Variants in CCDC25 observed in about 807,000 individuals in gnomAD.
The protein encoded by CCDC25 is coiled-coil domain-containing protein 25.
In CCDC25, 16 loss-of-function variants were observed where a neutral mutation model predicts 35.3. The observed-to-expected ratio is 0.45, with a 90% CI of 0.31 to 0.69. The LOEUF (loss-of-function observed/expected upper bound fraction) is 0.69, where lower values mean the gene tolerates loss of function less well. CCDC25 is among the 30% of genes least tolerant of loss of function. The pLI is 0.06. For synonymous variants in CCDC25, 79 were observed against 80.3 expected (o/e 0.98, Z 0.09); for missense variants, 179 against 250.7 (o/e 0.71, Z 1.93).
Position 27,736,142 on chromosome 8 carries a change from A to G in CCDC25, c.*74T>C. 2 of 1,420,338 alleles carry G rather than the reference A, an allele frequency of 1.4e-6. No homozygotes were observed. Among genetic ancestry groups the G allele is most frequent in the Non-Finnish European group, 1.9e-6 (2 of 1,026,960 alleles). The allele number at this position is 1,420,338 out of a possible 1,614,324, so 88.0% of individuals were successfully genotyped here. On this transcript the variant is annotated 3_prime_UTR_variant, in exon 9 of 9. Coordinates refer to ENST00000356537, the MANE Select transcript of CCDC25 (RefSeq NM_018246.3). ...TTGGTTGTATTTTATATTTCAGAAC[A>G]CAGATGAAACCAAAAGGTCTGCAAT...
chr8:27,747,469 GTGT>G (rs1336426765), intron 7 of CCDC25, among the ~76,000 whole-genome samples: 1 of 152,138 alleles, frequency 6.6e-6, no homozygotes, highest in Admixed American at 6.6e-5. Flanking sequence ...CAATAAATGT[GTGT>G]TGTTTTAAGC....
Position 27,772,573 on chromosome 8 carries a change from G to A in CCDC25, c.-33C>T, listed in dbSNP as rs893969164. 2 of 1,546,046 alleles carry A rather than the reference G, an allele frequency of 1.3e-6. No homozygotes were observed. The highest frequency in any genetic ancestry group is 8.7e-7 in the Non-Finnish European group (1 of 1,144,314). ...GGAGCGGTGCGGTGACTCCACCGCG[G>A]AGCAGCAGCGCTCAACTCACGAAGC... On this transcript the variant is annotated 5_prime_UTR_variant, in exon 1 of 9. Transcript: ENST00000356537.
intron 1 of CCDC25, among the ~76,000 whole-genome samples, chr8:27,770,043 C>A (rs975993826): frequency 2.0e-5 from 3 of 152,084 alleles, no homozygotes; most frequent in African/African-American, 7.2e-5. Context: ...ACTTGGGAGA[C>A]TGAGGCAGTA....
At chr8:27,765,571 G>A (rs1192631925) in intron 1 of CCDC25, among the ~76,000 whole-genome samples, 1 of 151,798 alleles carries the variant, frequency 6.6e-6, no homozygotes, top group Non-Finnish European at 1.5e-5. Context: ...ACTTTCTCAG[G>A]GTTACAGTTC....
intron 3 of CCDC25, among the ~76,000 whole-genome samples, chr8:27,758,788 T>C (rs1804108865): frequency 6.6e-6 from 1 of 152,184 alleles, no homozygotes; most frequent in South Asian, 2.1e-4. Flanking sequence ...ATGTAGAATT[T>C]TGTCAAAAGA....
At chr8:27,748,383 T>G in intron 6 of CCDC25, 104 bp from the exon 7 acceptor site, 1 of 1,318,802 alleles carries the variant, frequency 7.6e-7, no homozygotes, top group Non-Finnish European at 1.1e-6. Flanking sequence ...TAATTCCCTT[T>G]AGAAAACATA....
In CCDC25 at chr8:27,734,411, C is replaced by T. The variant is rs921965298; in HGVS notation, c.*1805G>A. On this transcript the variant is annotated 3_prime_UTR_variant, in exon 9 of 9. Coordinates refer to ENST00000356537, the MANE Select transcript of CCDC25 (RefSeq NM_018246.3). Reference sequence around the variant, plus strand: ...AACAATTTCGAATTCTCCTATCCAACGTTTAGGAAACAATCCAATGGCAAG... The same window carrying T: ...AACAATTTCGAATTCTCCTATCCAATGTTTAGGAAACAATCCAATGGCAAG... The T allele has an allele frequency of 2.0e-5, 3 of 152,140 alleles. No individual in the cohort carries two copies. The highest frequency in any genetic ancestry group is 1.9e-4 in the East Asian group (1 of 5,194). The allele number at this position is 152,140 out of a possible 1,614,324, so 9.4% of individuals were successfully genotyped here. A position where few individuals can be genotyped will look rare whatever the true frequency, so the allele number is the denominator to read the frequency against.
At chr8:27,768,864 C>A (rs1804492694) in intron 1 of CCDC25, among the ~76,000 whole-genome samples, 2 of 152,162 alleles carry the variant, frequency 1.3e-5, no homozygotes, top group South Asian at 4.1e-4. Flanking sequence ...TACAAGTGGA[C>A]TTTGAGCCAA....
At chr8:27,761,083 C>T (rs1804212283) in intron 3 of CCDC25, among the ~76,000 whole-genome samples, 1 of 151,910 alleles carries the variant, frequency 6.6e-6, no homozygotes. Flanking sequence ...GAGCCGAGAT[C>T]GCACCATTGC....
At chr8:27,764,823 C>T (rs1804345013) in intron 2 of CCDC25, among the ~76,000 whole-genome samples, 1 of 152,206 alleles carries the variant, frequency 6.6e-6, no homozygotes, top group Non-Finnish European at 1.5e-5. Flanking sequence ...ACAGCATTTA[C>T]TATTCATGTT....
At chr8:27,753,023 C>T (rs1803870813) in intron 4 of CCDC25, 1 of 154,256 alleles carries the variant, frequency 6.5e-6, no homozygotes, top group African/African-American at 2.4e-5. Context: ...TTTTAGTTCT[C>T]AGACATCTGG....
At chr8:27,767,092 G>A (rs1247906472) in intron 1 of CCDC25, among the ~76,000 whole-genome samples, 1 of 152,230 alleles carries the variant, frequency 6.6e-6, no homozygotes, top group African/African-American at 2.4e-5. Context: ...TAGGCCAGGT[G>A]CAGTGGCTCA....
intron 6 of CCDC25, 54 bp from the exon 7 acceptor site, chr8:27,748,333 G>T: frequency 6.6e-7 from 1 of 1,524,232 alleles, no homozygotes; most frequent in Non-Finnish European, 9.0e-7. Context: ...TTTTCTCCCA[G>T]AAGAGGGATG....
At chr8:27,748,933 G>A (rs1175742663) in intron 5 of CCDC25, among the ~76,000 whole-genome samples, 3 of 151,954 alleles carry the variant, frequency 2.0e-5, no homozygotes, top group Non-Finnish European at 4.4e-5. Context: ...GATTCTCAAA[G>A]AAGTCCTTGA....
chr8:27,752,170 T>C (rs1025147836), intron 5 of CCDC25, among the ~76,000 whole-genome samples: 1 of 152,252 alleles, frequency 6.6e-6, no homozygotes, highest in African/African-American at 2.4e-5. Flanking sequence ...AAACACATTG[T>C]TCTTGCTTAG....
In CCDC25 at chr8:27,760,924, G is replaced by A. The variant is rs567401956; in HGVS notation, c.116+1495C>T. Among the ~76,000 whole-genome samples, 8 of 152,246 alleles carry A rather than the reference G, an allele frequency of 5.3e-5. No individual in the cohort carries two copies. In the East Asian group the frequency reaches 9.7e-4, roughly 18 times the overall value. On this transcript the variant is annotated intron_variant, in intron 3 of 8. Coordinates refer to ENST00000356537, the MANE Select transcript of CCDC25 (RefSeq NM_018246.3). ...GTAGATCACCTGAGGTTAGGAGTTC[G>A]AGACCAGCCTGGCCAATGTGGTGAT...
At chr8:27,757,072 G>C (rs144671891) in intron 3 of CCDC25, among the ~76,000 whole-genome samples, 2 of 152,186 alleles carry the variant, frequency 1.3e-5, no homozygotes, top group African/African-American at 4.8e-5. Context: ...AGTGATCAAA[G>C]GCTTCATGAT....
At chr8:27,761,549 T>C (rs907784086) in intron 3 of CCDC25, among the ~76,000 whole-genome samples, 13 of 152,188 alleles carry the variant, frequency 8.5e-5, no homozygotes, top group Non-Finnish European at 1.5e-4. Context: ...CCAGGTGCCT[T>C]TATCTTCAGG....
At chr8:27,745,190 C>A (rs1259511462) in intron 7 of CCDC25, among the ~76,000 whole-genome samples, 1 of 151,984 alleles carries the variant, frequency 6.6e-6, no homozygotes, top group Non-Finnish European at 1.5e-5. Context: ...AGAGACAGTC[C>A]TAATTTTGTT....
Sources: gnomAD v4.1 joint callset for allele counts (sites outside exome capture counted in the v4.1 genomes callset) on GRCh38, gnomAD v4.1.1 for gene constraint, MANE v1.5 for transcripts, NCBI Gene and HGNC (gene_info 2026-07-23, HGNC 2026-07-21) for gene names.